CDH7: variants seen among roughly 807,000 people sequenced by gnomAD.
CDH7 encodes cadherin-7.
A neutral mutation model predicts 71.8 loss-of-function variants in CDH7; 25 were observed. The observed-to-expected ratio is 0.35, with a 90% CI of 0.25 to 0.49. The LOEUF (loss-of-function observed/expected upper bound fraction) is 0.49, where lower values mean the gene tolerates loss of function less well. CDH7 is among the 20% of genes least tolerant of loss of function. CDH7 has a pLI of 0.99. For missense variants in CDH7, 862 were observed against 974.6 expected (o/e 0.88, Z 1.54); for synonymous variants, 381 against 363.8 (o/e 1.05, Z -0.54).
chr18:65,784,249 A>C (rs1910429240), intron 2 of CDH7, among the ~76,000 whole-genome samples: 1 of 151,914 alleles, frequency 6.6e-6, no homozygotes, highest in Non-Finnish European at 1.5e-5. Context: ...GCTTAGCTGA[A>C]AAGTTGTAAT....
intron 2 of CDH7, among the ~76,000 whole-genome samples, chr18:65,775,100 C>T (rs751191495): frequency 3.3e-5 from 5 of 152,148 alleles, no homozygotes; most frequent in Non-Finnish European, 7.4e-5. Context: ...TTTGTTTTCT[C>T]ATAGAGAATT....
intron 2 of CDH7, among the ~76,000 whole-genome samples, chr18:65,801,754 A>C (rs935559400): frequency 4.6e-5 from 7 of 152,234 alleles, no homozygotes; most frequent in Non-Finnish European, 1.0e-4. Flanking sequence ...TTATATCAGA[A>C]TTGAAAAGAT....
At chr18:65,815,765 T>C (rs895724449) in intron 4 of CDH7, among the ~76,000 whole-genome samples, 1 of 152,210 alleles carries the variant, frequency 6.6e-6, no homozygotes, top group Non-Finnish European at 1.5e-5. Flanking sequence ...GTATTTGATT[T>C]ATGATATGAA....
At chr18:65,761,887 A>C (rs1404926072) in intron 1 of CDH7, among the ~76,000 whole-genome samples, 1 of 152,204 alleles carries the variant, frequency 6.6e-6, no homozygotes, top group East Asian at 1.9e-4. Flanking sequence ...GTTGATCAAC[A>C]TAATTCAATT....
intron 11 of CDH7, among the ~76,000 whole-genome samples, chr18:65,867,702 TG>T (rs1913806890): frequency 6.6e-6 from 1 of 152,212 alleles, no homozygotes; most frequent in Admixed American, 6.5e-5. Flanking sequence ...TATTAAGTTT[TG>T]GGTGTTTCTG....
At chr18:65,781,863 T>C (rs1457878148) in intron 2 of CDH7, among the ~76,000 whole-genome samples, 32 of 74,964 alleles carry the variant, frequency 4.3e-4, no homozygotes, top group African/African-American at 1.7e-3. Context: ...TCTTTCTTTC[T>C]TTCTCTCTCT....
chr18:65,767,057 A>C (rs959508886), intron 2 of CDH7, among the ~76,000 whole-genome samples: 2 of 149,914 alleles, frequency 1.3e-5, no homozygotes, highest in African/African-American at 4.9e-5. Flanking sequence ...CCTCTTCCAC[A>C]GTTGCTTCCC....
At chr18:65,786,946 C>G (rs1283307316) in intron 2 of CDH7, among the ~76,000 whole-genome samples, 4 of 152,128 alleles carry the variant, frequency 2.6e-5, no homozygotes, top group Admixed American at 6.5e-5. Context: ...GCCTCAGCCC[C>G]CCAATAGCTG....
intron 7 of CDH7, among the ~76,000 whole-genome samples, chr18:65,847,776 T>C (rs937049245): frequency 2.0e-5 from 3 of 152,032 alleles, no homozygotes; most frequent in Non-Finnish European, 4.4e-5. Flanking sequence ...CATAACACGA[T>C]TGTGAATGTT....
chr18:65,844,733 T>C (rs1172501807), intron 7 of CDH7, among the ~76,000 whole-genome samples: 1 of 152,112 alleles, frequency 6.6e-6, no homozygotes, highest in Non-Finnish European at 1.5e-5. Flanking sequence ...TACATGTTTT[T>C]GTGTGTATGC....
intron 7 of CDH7, 144 bp downstream of exon 7, chr18:65,844,209 A>C: frequency 4.8e-6 from 1 of 210,140 alleles, no homozygotes; most frequent in Non-Finnish European, 9.1e-6. Flanking sequence ...CAGCAGAGGT[A>C]AAACAGCATT....
intron 7 of CDH7, among the ~76,000 whole-genome samples, chr18:65,848,330 A>G (rs1806088450): frequency 6.6e-6 from 1 of 152,228 alleles, no homozygotes. Context: ...TAATGAGAAA[A>G]CAAAGATAAA....
At chr18:65,776,330 T>G (rs1909937560) in intron 2 of CDH7, among the ~76,000 whole-genome samples, 1 of 149,644 alleles carries the variant, frequency 6.7e-6, no homozygotes, top group African/African-American at 2.5e-5. Flanking sequence ...ATGGGACAGC[T>G]TTTCAAATCA....
At chr18:65,844,589 T>C (rs189721162) in intron 7 of CDH7, among the ~76,000 whole-genome samples, 8 of 152,088 alleles carry the variant, frequency 5.3e-5, no homozygotes, top group African/African-American at 1.9e-4. Context: ...ATCTTTTCAG[T>C]AGTCTTGTAT....
chr18:65,850,938 A>G (rs947820841), intron 7 of CDH7, among the ~76,000 whole-genome samples: 8 of 150,108 alleles, frequency 5.3e-5, no homozygotes, highest in Admixed American at 4.0e-4. Flanking sequence ...CAGCCTCCCC[A>G]GCAACTAGGA....
intron 6 of CDH7, among the ~76,000 whole-genome samples, chr18:65,829,206 G>A (rs1004743256): frequency 4.6e-5 from 7 of 151,868 alleles, no homozygotes; most frequent in African/African-American, 7.2e-5. Context: ...TGCAAGCTCC[G>A]CCTCCCGGGT....
intron 2 of CDH7, among the ~76,000 whole-genome samples, chr18:65,804,973 AT>A (rs898495745): frequency 1.8e-4 from 27 of 151,408 alleles, no homozygotes; most frequent in East Asian, 1.6e-3. Flanking sequence ...GTTTTGTTTT[AT>A]TTTTTTTTCT....
chr18:65,809,649 C>T, intron 2 of CDH7, 55 bp from the exon 3 acceptor site: 1 of 1,406,364 alleles, frequency 7.1e-7, no homozygotes, highest in Non-Finnish European at 9.9e-7. Flanking sequence ...TTACATATCT[C>T]CATATCACTG....
At chr18:65,856,815 G>A (rs558881264) in intron 7 of CDH7, among the ~76,000 whole-genome samples, 213 of 152,194 alleles carry the variant, frequency 1.4e-3, no homozygotes, top group African/African-American at 5.0e-3. Context: ...ATCATGAGGG[G>A]AGGGTAAATT....
Sources: gnomAD v4.1 joint callset for allele counts (sites outside exome capture counted in the v4.1 genomes callset) on GRCh38, gnomAD v4.1.1 for gene constraint, MANE v1.5 for transcripts, NCBI Gene and HGNC (gene_info 2026-07-23, HGNC 2026-07-21) for gene names.